The following CLASP1 variants were observed in gnomAD, a reference collection of about 807,000 sequenced individuals.
CLASP1 encodes CLIP-associating protein 1.
In CLASP1, 38 loss-of-function variants were observed where a neutral mutation model predicts 192.3. The observed-to-expected ratio is 0.20, with a 90% CI of 0.15 to 0.26. The LOEUF (loss-of-function observed/expected upper bound fraction) is 0.26. Among genes scored for constraint, CLASP1 ranks in the 10% least tolerant of loss-of-function variants. CLASP1 has a pLI of 1.00. For synonymous variants in CLASP1, 691 were observed against 712.8 expected (o/e 0.97, Z 0.49); for missense variants, 1,433 against 1,932.5 (o/e 0.74, Z 4.85).
chr2:121,499,980 T>C (rs1208711433), intron 8 of CLASP1, among the ~76,000 whole-genome samples: 2 of 152,188 alleles, frequency 1.3e-5, no homozygotes, highest in African/African-American at 4.8e-5. Flanking sequence ...CTGGAAGTTC[T>C]AGCCAGTGCA....
chr2:121,610,293 G>A, intron 1 of CLASP1, among the ~76,000 whole-genome samples: 1 of 151,160 alleles, frequency 6.6e-6, no homozygotes, highest in East Asian at 2.0e-4. Context: ...AGGAGGAGGA[G>A]GAGTTATGAG....
chr2:121,445,369 G>C (rs1221474090), intron 19 of CLASP1: 2 of 855,582 alleles, frequency 2.3e-6, no homozygotes, highest in Non-Finnish European at 3.3e-6. Flanking sequence ...GCAGAGCCAA[G>C]TAAGAAGCTC....
At chr2:121,554,575 A>G (rs2058364383) in intron 2 of CLASP1, among the ~76,000 whole-genome samples, 2 of 151,840 alleles carry the variant, frequency 1.3e-5, no homozygotes, top group African/African-American at 2.4e-5. Context: ...GGCTGCAGTG[A>G]GCTGAGATGG....
intron 34 of CLASP1, among the ~76,000 whole-genome samples, chr2:121,371,824 G>T (rs143862762): frequency 1.3e-5 from 2 of 152,260 alleles, no homozygotes; most frequent in East Asian, 3.9e-4. Context: ...GTGTAGGCAA[G>T]GTTCTTCTCT....
At chr2:121,565,625 G>C (rs570272969) in intron 2 of CLASP1, among the ~76,000 whole-genome samples, 1 of 152,322 alleles carries the variant, frequency 6.6e-6, no homozygotes, top group African/African-American at 2.4e-5. Context: ...GGGACAGGCT[G>C]TCAGAGCCCT....
chr2:121,461,954 A>G (rs905171101), intron 10 of CLASP1, among the ~76,000 whole-genome samples: 3 of 152,198 alleles, frequency 2.0e-5, no homozygotes, highest in Admixed American at 6.5e-5. Context: ...AGAGTTGTAC[A>G]TAACAGACAG....
At chr2:121,515,059 T>G (rs1053117178) in intron 7 of CLASP1, among the ~76,000 whole-genome samples, 5 of 152,224 alleles carry the variant, frequency 3.3e-5, no homozygotes, top group Middle Eastern at 3.2e-3. Context: ...GGTGTTAAGT[T>G]TCTCCATCAC....
In CLASP1 at chr2:121,519,294, T is replaced by C. The variant is rs118092690; in HGVS notation, c.547-3532A>G. Among the ~76,000 whole-genome samples the C allele has an allele frequency of 2.0e-5, 3 of 152,276 alleles. No homozygotes were observed. In the East Asian group the frequency reaches 5.8e-4, roughly 29 times the overall value. On this transcript the variant is annotated intron_variant, in intron 6 of 39. Coordinates refer to ENST00000263710, the Ensembl canonical transcript of CLASP1. ...GAGTGCCTACTAGGTGAAAATGAAC[T>C]GAAACGCCTACACAGGCCAGGCAGT... is the stretch of plus-strand genomic sequence containing the variant.
exon 40 of CLASP1, chr2:121,338,892 T>C (rs1025493615): frequency 1.3e-5 from 2 of 152,518 alleles, no homozygotes; most frequent in East Asian, 3.8e-4. Flanking sequence ...CGCACATTCC[T>C]GCAACAAAGG....
chr2:121,584,281 T>C (rs967011728), intron 2 of CLASP1, among the ~76,000 whole-genome samples: 1 of 152,120 alleles, frequency 6.6e-6, no homozygotes. Context: ...ACCCAGTCTG[T>C]GGTTATTTGG....
At chr2:121,520,922 C>G (rs1337431516) in intron 6 of CLASP1, among the ~76,000 whole-genome samples, 1 of 152,118 alleles carries the variant, frequency 6.6e-6, no homozygotes, top group Non-Finnish European at 1.5e-5. Flanking sequence ...CTGTCCCTTC[C>G]CAGCAGCTGG....
intron 23 of CLASP1, among the ~76,000 whole-genome samples, chr2:121,417,047 C>T (rs2078717764): frequency 6.6e-6 from 1 of 152,210 alleles, no homozygotes; most frequent in Non-Finnish European, 1.5e-5. Context: ...CAACAGAAGA[C>T]GTGCTGATGC....
chr2:121,483,703 A>G (rs2092783418), intron 8 of CLASP1, among the ~76,000 whole-genome samples: 1 of 152,102 alleles, frequency 6.6e-6, no homozygotes, highest in African/African-American at 2.4e-5. Flanking sequence ...CAATTTGAAA[A>G]GTTAAAATCA....
rs187071566 is a variant in CLASP1 at position 121,384,129 on chromosome 2, T to C, written c.3375-1805A>G. 2.7e-3 allele frequency among the ~76,000 whole-genome samples: 361 copies of C among 134,308 alleles called. 1 individual carries two copies. The highest frequency in any genetic ancestry group is 4.1e-3 in the Middle Eastern group (1 of 244). 88.1% of individuals were successfully genotyped at this position (134,308 alleles called of 152,430 possible). A position where few individuals can be genotyped will look rare whatever the true frequency, so the allele number is the denominator to read the frequency against. On this transcript the variant is annotated intron_variant, in intron 32 of 39. Transcript: ENST00000263710. Reference sequence around the variant, plus strand: ...ATATGTATATATATATACACACATATATATGTATATATATATACACACACA... The same window carrying C: ...ATATGTATATATATATACACACATACATATGTATATATATATACACACACA...
At chr2:121,484,635 G>C (rs775367625) in intron 8 of CLASP1, among the ~76,000 whole-genome samples, 6 of 152,172 alleles carry the variant, frequency 3.9e-5, no homozygotes, top group Non-Finnish European at 4.4e-5. Flanking sequence ...GATGGCAGTG[G>C]GAGGAAACAA....
chr2:121,594,256 C>T (rs2062828448), intron 2 of CLASP1, among the ~76,000 whole-genome samples: 2 of 149,042 alleles, frequency 1.3e-5, no homozygotes, highest in African/African-American at 5.0e-5. Flanking sequence ...GCCGAGATCG[C>T]ACCACTGCAC....
Position 121,461,482 on chromosome 2 carries a change from C to G in CLASP1, c.940-289G>C, listed in dbSNP as rs115514152. On this transcript the variant is annotated intron_variant, in intron 10 of 39. Coordinates refer to ENST00000263710, the Ensembl canonical transcript of CLASP1. ...AAAGAGAAACAAGGCTAATGGGAAACAGCCAGTGATGCCTAAGTCATTTCT... is the reference window on the plus strand; with the variant it reads ...AAAGAGAAACAAGGCTAATGGGAAAGAGCCAGTGATGCCTAAGTCATTTCT... 7.2e-3 allele frequency among the ~76,000 whole-genome samples: 1,100 copies of G among 152,256 alleles called. 20 individuals carry two copies. Among genetic ancestry groups the G allele is most frequent in the African/African-American group, 0.025 (1,051 of 41,544 alleles).
rs557356750 is a variant in CLASP1 at position 121,423,202 on chromosome 2, T to C, written c.2212+1937A>G. 9.9e-5 allele frequency among the ~76,000 whole-genome samples: 15 copies of C among 152,196 alleles called. No homozygotes were observed. In the South Asian group the frequency reaches 2.9e-3, roughly 29 times the overall value. On this transcript the variant is annotated intron_variant, in intron 22 of 39. Transcript: ENST00000263710. ...AATATCTTCTTTAATATAAACTATA[T>C]GTATGACCTCAAAGCTCTACACGTA...
Position 121,367,503 on chromosome 2 carries a change from A to C in CLASP1, c.3886+85T>G, listed in dbSNP as rs555457273. ...GACCCAGCGTCTCCATTTACATCTG[A>C]CCAGTGGGCCTGGTGCTGGCCAGAC... On this transcript the variant is annotated intron_variant, in intron 35 of 39. Coordinates refer to ENST00000263710, the Ensembl canonical transcript of CLASP1. The C allele has an allele frequency of 7.4e-5, 115 of 1,555,666 alleles. No homozygotes were observed. The South Asian group carries it at 1.3e-3, about 18-fold the overall frequency.
Sources: gnomAD v4.1 joint callset for allele counts (sites outside exome capture counted in the v4.1 genomes callset) on GRCh38, gnomAD v4.1.1 for gene constraint, MANE v1.5 for transcripts, NCBI Gene and HGNC (gene_info 2026-07-23, HGNC 2026-07-21) for gene names.